The following AAK1 variants were observed in gnomAD, a reference collection of about 807,000 sequenced individuals.
AAK1 encodes AP2 associated kinase 1.
In AAK1, 37 loss-of-function variants were observed where a neutral mutation model predicts 116.0. The ratio of observed to expected loss-of-function variants is 0.32; its 90% CI spans 0.25 to 0.42. AAK1 has a LOEUF of 0.42. Ranked by LOEUF, AAK1 falls within the 10% of genes least tolerant of loss-of-function variation. The probability of loss-of-function intolerance (pLI) is 1.00; values close to 1 mark genes in which losing one functional copy is unlikely to be tolerated. For missense variants in AAK1, 919 were observed against 1,170.6 expected, an observed-to-expected ratio of 0.79 and a Z score of 3.14; for synonymous variants, 458 against 439.9, an observed-to-expected ratio of 1.04 and a Z score of -0.51.
chr2:69,522,775 C>A (rs922862150), intron 10 of AAK1, among the ~76,000 whole-genome samples: 1 of 151,220 alleles, frequency 6.6e-6, no homozygotes, highest in African/African-American at 2.4e-5. Flanking sequence ...CTGCACTCCA[C>A]CCTGGGTGAC....
intron 5 of AAK1, among the ~76,000 whole-genome samples, chr2:69,536,963 G>A (rs977490830): frequency 6.6e-6 from 1 of 152,226 alleles, no homozygotes; most frequent in Non-Finnish European, 1.5e-5. Flanking sequence ...ACATGAATGT[G>A]CATGTTAAGC....
chr2:69,595,415 C>G (rs1222203115), intron 2 of AAK1, among the ~76,000 whole-genome samples: 1 of 152,200 alleles, frequency 6.6e-6, no homozygotes, highest in Non-Finnish European at 1.5e-5. Context: ...TGCACCCAAC[C>G]TCTTGAAGGA....
At chr2:69,527,355 C>T in intron 8 of AAK1, 36 bp from the exon 9 acceptor site, 5 of 1,349,348 alleles carry the variant, frequency 3.7e-6, no homozygotes, top group Admixed American at 1.9e-5. Flanking sequence ...AATAATATTC[C>T]AACAGTTATT....
intron 18 of AAK1, chr2:69,482,487 T>A: frequency 6.3e-6 from 4 of 638,340 alleles, no homozygotes; most frequent in Non-Finnish European, 1.1e-5. Context: ...TCATAAGAGA[T>A]CCACTCTAGA....
intron 7 of AAK1, 89 bp downstream of exon 7, chr2:69,530,536 C>G (rs1670210908): frequency 6.4e-6 from 7 of 1,100,974 alleles, no homozygotes; most frequent in Non-Finnish European, 9.6e-6. Flanking sequence ...ACAGTAGCCA[C>G]CATGCTATAG....
rs569456644 is a variant in AAK1 at position 69,604,582 on chromosome 2, C to T, written c.163+38296G>A. 2.6e-5 allele frequency among the ~76,000 whole-genome samples: 4 copies of T among 152,314 alleles called. No individual in the cohort carries two copies. The South Asian group carries it at 8.3e-4, about 32-fold the overall frequency. ...TAAAGTCATCACCTCTATTCTGAAG[C>T]AGACACTGAAGGAACATACGAGCTG... On this transcript the variant is annotated intron_variant, in intron 2 of 21. Coordinates refer to ENST00000409085, the MANE Select transcript of AAK1 (RefSeq NM_014911.5).
intron 2 of AAK1, among the ~76,000 whole-genome samples, chr2:69,559,153 T>G (rs1350198053): frequency 6.6e-6 from 1 of 152,132 alleles, no homozygotes; most frequent in East Asian, 1.9e-4. Flanking sequence ...AAATTTATCA[T>G]ATAATCTTTA....
At chr2:69,514,930 A>G (rs751931275) in intron 12 of AAK1, among the ~76,000 whole-genome samples, 181 bp from the exon 13 acceptor site, 6 of 152,218 alleles carry the variant, frequency 3.9e-5, no homozygotes, top group Admixed American at 6.5e-5. Flanking sequence ...ACAACACAGC[A>G]GCAGTCCCTT....
intron 5 of AAK1, 83 bp from the exon 6 acceptor site, chr2:69,532,245 A>T: frequency 6.5e-7 from 1 of 1,534,098 alleles, no homozygotes; most frequent in Non-Finnish European, 8.9e-7. Context: ...CACATAAATA[A>T]ACGTTTTATT....
In AAK1 at chr2:69,464,030, A is replaced by C. The variant is rs1035745166; in HGVS notation, c.*11839T>G. 1.3e-5 allele frequency: 2 copies of C among 152,636 alleles called. No homozygotes were observed. The highest frequency in any genetic ancestry group is 4.8e-5 in the African/African-American group (2 of 41,450). 9.5% of individuals were successfully genotyped at this position (152,636 alleles called of 1,614,324 possible). On this transcript the variant is annotated 3_prime_UTR_variant, in exon 22 of 22. Transcript: ENST00000409085. ...CAGATCTTTCCAGAAATAAAAGACA[A>C]TTTTAAAAAACATCAGTTAACCTGT...
intron 10 of AAK1, among the ~76,000 whole-genome samples, chr2:69,522,302 C>A (rs963264553): frequency 2.6e-5 from 4 of 152,188 alleles, no homozygotes; most frequent in African/African-American, 9.7e-5. Context: ...GGAAGCAAAG[C>A]AGCTGGCCTC....
In AAK1 at chr2:69,641,171, C is replaced by T. The variant is rs112615906; in HGVS notation, c.163+1707G>A. ...TCTCTCACACTTGGAGAACATGCAC[C>T]GCTTAGGGCAGCATCATCCGTGATG... On this transcript the variant is annotated intron_variant, in intron 2 of 21. Coordinates refer to ENST00000409085, the MANE Select transcript of AAK1 (RefSeq NM_014911.5). Among the ~76,000 whole-genome samples, 589 of 152,280 alleles carry T rather than the reference C, an allele frequency of 3.9e-3. 2 individuals are homozygous for T. Among genetic ancestry groups the T allele is most frequent in the African/African-American group, 0.014 (568 of 41,562 alleles).
In AAK1 at chr2:69,470,271, T is replaced by G; in HGVS notation, c.*5598A>C. ...AGCATTGAGAAGAAGCCTTCTCACA[T>G]ATAGTTAGTAAACAGAAAGCAAAAT... is the stretch of plus-strand genomic sequence containing the variant. On this transcript the variant is annotated 3_prime_UTR_variant, in exon 22 of 22. Transcript: ENST00000409085. The G allele has an allele frequency of 1.5e-5, 15 of 985,426 alleles. No homozygotes were observed. Among genetic ancestry groups the G allele is most frequent in the Non-Finnish European group, 1.8e-5 (15 of 829,940 alleles). The allele number at this position is 985,426 out of a possible 1,614,324, so 61.0% of individuals were successfully genotyped here. A position where few individuals can be genotyped will look rare whatever the true frequency, so the allele number is the denominator to read the frequency against.
In AAK1 at chr2:69,614,565, C is replaced by CAAAA. The variant is rs565097068; in HGVS notation, c.163+28309_163+28312dup. On this transcript the variant is annotated intron_variant, in intron 2 of 21. Coordinates refer to ENST00000409085, the MANE Select transcript of AAK1 (RefSeq NM_014911.5). ...CCAACCAGGAAAACAAAAACAAAAA[C>CAAAA]AAAAACCTTTGCTCCCAACACCCTG... is the stretch of plus-strand genomic sequence containing the variant. Among the ~76,000 whole-genome samples the CAAAA allele has an allele frequency of 1.2e-4, 19 of 152,268 alleles. No individual in the cohort carries two copies. The East Asian group carries it at 3.5e-3, about 28-fold the overall frequency.
Position 69,471,684 on chromosome 2 carries a change from A to G in AAK1, c.*4185T>C, listed in dbSNP as rs1674687073. On this transcript the variant is annotated 3_prime_UTR_variant, in exon 22 of 22. Transcript: ENST00000409085. ...GGGAAATCACAGAAAAACCTTATCA[A>G]GAGAGACTTTATTTTGGCCCAAGGT... 7.1e-6 allele frequency: 7 copies of G among 985,284 alleles called. No individual in the cohort carries two copies. Among genetic ancestry groups the G allele is most frequent in the South Asian group, 9.4e-5 (2 of 21,286 alleles). The allele number at this position is 985,284 out of a possible 1,614,324, so 61.0% of individuals were successfully genotyped here. A position where few individuals can be genotyped will look rare whatever the true frequency, so the allele number is the denominator to read the frequency against.
intron 10 of AAK1, among the ~76,000 whole-genome samples, chr2:69,521,844 C>G (rs1669795603): frequency 6.6e-6 from 1 of 152,204 alleles, no homozygotes; most frequent in Non-Finnish European, 1.5e-5. Flanking sequence ...TCCATGCAGC[C>G]ATAGCTACAC....
intron 17 of AAK1, among the ~76,000 whole-genome samples, chr2:69,492,518 C>CTT (rs987331929): frequency 0.43 from 35,443 of 83,212 alleles, 8,985 homozygotes; most frequent in East Asian, 0.54. Flanking sequence ...CTGGCCAATT[C>CTT]TTTTTTTTTT....
chr2:69,518,231 T>G (rs1676663326), intron 12 of AAK1, among the ~76,000 whole-genome samples: 1 of 152,072 alleles, frequency 6.6e-6, no homozygotes, highest in African/African-American at 2.4e-5. Flanking sequence ...CTAAATACAA[T>G]CTGTTAGTAT....
chr2:69,623,653 G>GA, intron 2 of AAK1, among the ~76,000 whole-genome samples: 1 of 152,104 alleles, frequency 6.6e-6, no homozygotes. Flanking sequence ...GTCTCTACAA[G>GA]AAAAAAATGT....
Sources: gnomAD v4.1 joint callset for allele counts (sites outside exome capture counted in the v4.1 genomes callset) on GRCh38, gnomAD v4.1.1 for gene constraint, MANE v1.5 for transcripts, NCBI Gene and HGNC (gene_info 2026-07-23, HGNC 2026-07-21) for gene names.